Variants in CEP63 observed in about 807,000 individuals in gnomAD.
The protein encoded by CEP63 is centrosomal protein 63.
Under a neutral mutation model 89.1 loss-of-function variants are expected in CEP63, and 84 were observed. That is an observed-to-expected ratio of 0.94 (90% CI 0.79 to 1.13). CEP63 has a LOEUF of 1.13. CEP63 is among the 50% of genes most tolerant of loss of function. The pLI is 0.00. For synonymous variants in CEP63, 267 were observed against 272.5 expected (o/e 0.98, Z 0.20); for missense variants, 838 against 813.3 (o/e 1.03, Z -0.37).
chr3:134,525,255 A>G lies in CEP63; in HGVS notation c.223-6590A>G, dbSNP rs533391557. 1.3e-5 allele frequency among the ~76,000 whole-genome samples: 2 copies of G among 152,152 alleles called. 1 individual carries two copies. The highest frequency in any genetic ancestry group is 4.8e-5 in the African/African-American group (2 of 41,490). On this transcript the variant is annotated intron_variant, in intron 3 of 14. Coordinates refer to ENST00000675561, the MANE Select transcript of CEP63 (RefSeq NM_001353108.3). ...TTCCTTATCATTTCTGATTGTGTCTATTTGAGTCTCCTCTCTTCTTTATTA... is the reference window on the plus strand; with the variant it reads ...TTCCTTATCATTTCTGATTGTGTCTGTTTGAGTCTCCTCTCTTCTTTATTA...
At chr3:134,706,380 T>C in the CEP63 span, among the ~76,000 whole-genome samples, 1 of 152,188 alleles carries the variant, frequency 6.6e-6, no homozygotes, top group Non-Finnish European at 1.5e-5. Context: ...GGTCTCAGTT[T>C]CCTCTCCTAC....
the CEP63 span, among the ~76,000 whole-genome samples, chr3:134,632,014 C>G: frequency 6.6e-6 from 1 of 151,888 alleles, no homozygotes; most frequent in Non-Finnish European, 1.5e-5. Context: ...ATGTTAATAT[C>G]AGATCAGAGA....
At chr3:134,742,176 C>A in the CEP63 span, among the ~76,000 whole-genome samples, 1 of 152,158 alleles carries the variant, frequency 6.6e-6, no homozygotes, top group Non-Finnish European at 1.5e-5. Context: ...AGGTGGCCCT[C>A]TCTCTCTGAT....
the CEP63 span, among the ~76,000 whole-genome samples, chr3:134,685,481 A>C: frequency 1.3e-5 from 2 of 152,158 alleles, no homozygotes; most frequent in Non-Finnish European, 2.9e-5. Context: ...TGTGGCTGGT[A>C]GCTCTGTGTG....
chr3:134,779,235 C>T, the CEP63 span, among the ~76,000 whole-genome samples: 1 of 152,106 alleles, frequency 6.6e-6, no homozygotes, highest in East Asian at 1.9e-4. Context: ...ATAAAACAGG[C>T]ACCCAAGTCC....
the CEP63 span, among the ~76,000 whole-genome samples, chr3:134,772,412 T>G: frequency 2.0e-5 from 3 of 152,312 alleles, no homozygotes; most frequent in East Asian, 3.9e-4. Context: ...ACTTGGCTTG[T>G]GGACACCTTG....
the CEP63 span, among the ~76,000 whole-genome samples, chr3:134,746,979 A>G: frequency 6.6e-6 from 1 of 151,956 alleles, no homozygotes; most frequent in Non-Finnish European, 1.5e-5. Flanking sequence ...GCTTTTTTTT[A>G]GTCATGAAGT....
intron 14 of CEP63, among the ~76,000 whole-genome samples, chr3:134,560,535 G>A (rs2110155067): frequency 6.6e-6 from 1 of 152,326 alleles, no homozygotes; most frequent in South Asian, 2.1e-4. Context: ...GGACGGGACA[G>A]CGCAGTGTAG....
the CEP63 span, among the ~76,000 whole-genome samples, chr3:134,664,173 G>C: frequency 6.6e-6 from 1 of 152,194 alleles, no homozygotes; most frequent in Non-Finnish European, 1.5e-5. Context: ...GTGTCTTGGA[G>C]AGCCCCTACT....
the CEP63 span, among the ~76,000 whole-genome samples, chr3:134,772,268 A>G: frequency 2.3e-5 from 1 of 42,762 alleles, no homozygotes. Context: ...AATGCCAGAC[A>G]CCCCGTGCAG....
chr3:134,486,251 C>T, intron 1 of CEP63, 49 bp downstream of exon 1: 1 of 985,590 alleles, frequency 1.0e-6, no homozygotes, highest in Non-Finnish European at 1.2e-6. Context: ...CCTGTAACCG[C>T]CGGTGCGCAA....
chr3:134,781,734 T>C, the CEP63 span, among the ~76,000 whole-genome samples: 6 of 152,274 alleles, frequency 3.9e-5, no homozygotes, highest in Non-Finnish European at 8.8e-5. Flanking sequence ...GATTTTTATA[T>C]ATTGACTTTG....
the CEP63 span, among the ~76,000 whole-genome samples, chr3:134,764,268 G>A: frequency 6.6e-6 from 1 of 152,168 alleles, no homozygotes; most frequent in Non-Finnish European, 1.5e-5. Context: ...CCTTTCCAAA[G>A]CCTTCCGAGG....
downstream of CEP63, among the ~76,000 whole-genome samples, chr3:134,567,199 G>A (rs1162098295): frequency 1.3e-5 from 2 of 150,882 alleles, no homozygotes; most frequent in South Asian, 2.1e-4. Flanking sequence ...TACATGAATT[G>A]CCCAGAATTG....
At chr3:134,666,633 A>T in the CEP63 span, among the ~76,000 whole-genome samples, 1 of 152,132 alleles carries the variant, frequency 6.6e-6, no homozygotes, top group East Asian at 1.9e-4. Flanking sequence ...GAGGCCCTTC[A>T]TCAACCCCTG....
chr3:134,536,956 A>T, intron 5 of CEP63, 199 bp from the exon 6 acceptor site: 1 of 573,870 alleles, frequency 1.7e-6, no homozygotes, highest in South Asian at 1.8e-5. Flanking sequence ...AGAAAGACAG[A>T]TATCCAGAGG....
Position 134,495,348 on chromosome 3 carries a change from A to C in CEP63, c.28A>C (p.Asn10His). The part of the protein sequence containing the change: MEALLEGIQ[N>H]RGHGGGFLTS... ...GGAGGCTTTGTTAGAAGGAATACAA[A>C]ATCGAGGGCATGGTGGGTAAGTTTG... Residue 10 changes from asparagine to histidine, a missense_variant, in exon 2 of 15, where the codon AAT becomes CAT. Transcript: ENST00000675561. 1 of 1,613,376 alleles carries C rather than the reference A, an allele frequency of 6.2e-7. No individual in the cohort carries two copies. Among genetic ancestry groups the C allele is most frequent in the Non-Finnish European group, 8.5e-7 (1 of 1,179,428 alleles).
chr3:134,665,781 A>G, the CEP63 span, among the ~76,000 whole-genome samples: 3 of 152,038 alleles, frequency 2.0e-5, no homozygotes, highest in Non-Finnish European at 4.4e-5. Flanking sequence ...AGACACAGAG[A>G]CATAGGGACA....
the CEP63 span, among the ~76,000 whole-genome samples, chr3:134,681,812 A>G: frequency 6.6e-6 from 1 of 152,238 alleles, no homozygotes. Flanking sequence ...TGCGGTCCTC[A>G]CAACCACTCT....
Sources: allele counts gnomAD v4.1 joint callset (sites outside exome capture counted in the v4.1 genomes callset), GRCh38; gene constraint gnomAD v4.1.1; transcripts MANE v1.5; gene names NCBI Gene and HGNC (gene_info 2026-07-23, HGNC 2026-07-21).